TBC1D1: variants seen among roughly 807,000 people sequenced by gnomAD.
TBC1D1 encodes TBC1 (tre-2/USP6, BUB2, cdc16) domain family, member 1.
Under a neutral mutation model 125.6 loss-of-function variants are expected in TBC1D1, and 89 were observed. That is an observed-to-expected ratio of 0.71 (90% CI 0.60 to 0.85). The LOEUF (loss-of-function observed/expected upper bound fraction) is 0.85, where lower values mean the gene tolerates loss of function less well. Among genes scored for constraint, TBC1D1 ranks in the 40% least tolerant of loss-of-function variants. TBC1D1 has a pLI of 0.00. For synonymous variants in TBC1D1, 565 were observed against 564.1 expected (o/e 1.00, Z -0.02); for missense variants, 1,377 against 1,469.2 (o/e 0.94, Z 1.03).
At chr4:37,957,572 T>A (rs1393607302) in intron 2 of TBC1D1, among the ~76,000 whole-genome samples, 2 of 152,130 alleles carry the variant, frequency 1.3e-5, no homozygotes, top group Middle Eastern at 3.4e-3. Flanking sequence ...TGAGCTATGA[T>A]CACAGCCTCA....
rs1187701220 is a variant in TBC1D1 at position 37,977,418 on chromosome 4, G to GC, written c.418-37086dup. 2.2e-6 allele frequency: 2 copies of GC among 912,338 alleles called. No individual in the cohort carries two copies. Among genetic ancestry groups the GC allele is most frequent in the Non-Finnish European group, 2.6e-6 (2 of 765,144 alleles). 56.5% of individuals were successfully genotyped at this position (912,338 alleles called of 1,614,324 possible). A position where few individuals can be genotyped will look rare whatever the true frequency, so the allele number is the denominator to read the frequency against. On this transcript the variant is annotated intron_variant, in intron 2 of 19. Transcript: ENST00000261439. This position sits in a 1 kb window ranked among gnomAD's most constrained non-coding sequence, Gnocchi z 4.3. ...CCCGGCCCCGCCGCTCCCCAAGCCC[G>GC]CCCCCGGCCGCCCGCGGGCCCACGG...
At chr4:37,920,778 G>A (rs1433094291) in intron 2 of TBC1D1, among the ~76,000 whole-genome samples, 1 of 152,162 alleles carries the variant, frequency 6.6e-6, no homozygotes, top group East Asian at 1.9e-4. Context: ...GGAGACCTAT[G>A]GGACCGCATT....
chr4:38,097,002 C>T (rs1278515222), intron 14 of TBC1D1, among the ~76,000 whole-genome samples: 1 of 152,130 alleles, frequency 6.6e-6, no homozygotes, highest in Non-Finnish European at 1.5e-5. Flanking sequence ...ATGTTAATGT[C>T]TTCTGGCAAG....
chr4:37,907,432 G>A (rs1400255759), intron 2 of TBC1D1, among the ~76,000 whole-genome samples: 1 of 152,004 alleles, frequency 6.6e-6, no homozygotes, highest in Non-Finnish European at 1.5e-5. Context: ...CCAGGCTGGT[G>A]TGCAATGGTG....
At chr4:38,035,837 A>G (rs2152457973) in intron 8 of TBC1D1, 139 bp downstream of exon 8, 1 of 690,500 alleles carries the variant, frequency 1.4e-6, no homozygotes, top group African/African-American at 1.8e-5. Context: ...CATAGAGGGG[A>G]AATTTGGGAG....
intron 7 of TBC1D1, 76 bp from the exon 8 acceptor site, chr4:38,035,512 T>C (rs1326464825): frequency 8.6e-7 from 1 of 1,159,612 alleles, no homozygotes; most frequent in African/African-American, 1.5e-5. Flanking sequence ...ATGGAAGCTG[T>C]TAGCATTTAA....
chr4:37,913,783 G>T lies in TBC1D1; in HGVS notation c.417+11271G>T, dbSNP rs140224716. ...AGAGTTATAGTGGCTACCTTCACCT[G>T]CACTCCCTTGCCTTTTCTTTGGTTT... On this transcript the variant is annotated intron_variant, in intron 2 of 19. Coordinates refer to ENST00000261439, the MANE Select transcript of TBC1D1 (RefSeq NM_015173.4). 7.1e-3 allele frequency among the ~76,000 whole-genome samples: 1,007 copies of T among 142,662 alleles called. 13 individuals carry two copies. Among genetic ancestry groups the T allele is most frequent in the African/African-American group, 0.025 (956 of 38,112 alleles). 93.6% of individuals were successfully genotyped at this position (142,662 alleles called of 152,430 possible).
In TBC1D1 at chr4:37,902,132, C is replaced by T; in HGVS notation, c.37C>T (p.Leu13Phe). Residue 13 changes from leucine (L) to phenylalanine (F), a missense_variant, in exon 2 of 20, where the codon CTT (leucine) becomes TTT (phenylalanine). By Grantham distance (22) the Leu-to-Phe change is conservative. Transcript: ENST00000261439. ...AACATTCACAGCAAGGAAACATCTG[C>T]TTTCTAACGAGGTCTCGGTGGATTT... 6.2e-7 allele frequency: 1 copy of T among 1,610,232 alleles called. No homozygotes were observed. Among genetic ancestry groups the T allele is most frequent in the Non-Finnish European group, 8.5e-7 (1 of 1,178,488 alleles).
rs1384430279 is a variant in TBC1D1, at chr4:38,137,372, T to C, written c.*37T>C. The C allele has an allele frequency of 1.3e-6, 2 of 1,555,752 alleles. No homozygotes were observed. Among genetic ancestry groups the C allele is most frequent in the African/African-American group, 2.7e-5 (2 of 73,038 alleles). ...GAGAGATTGCAACACCATCCCACAC[T>C]GTCCAGGCCTTAACTGAGAGGGACA... On this transcript the variant is annotated 3_prime_UTR_variant, in exon 20 of 20. Coordinates refer to ENST00000261439, the MANE Select transcript of TBC1D1 (RefSeq NM_015173.4).
chr4:37,980,543 A>T (rs112256064), intron 2 of TBC1D1, among the ~76,000 whole-genome samples: 1 of 152,330 alleles, frequency 6.6e-6, no homozygotes, highest in Non-Finnish European at 1.5e-5. Context: ...TTGGATTTGC[A>T]CCTGCTTATA....
At chr4:38,080,177 G>C (rs1412688143) in intron 12 of TBC1D1, among the ~76,000 whole-genome samples, 1 of 152,258 alleles carries the variant, frequency 6.6e-6, no homozygotes, top group African/African-American at 2.4e-5. Context: ...CTGCTGGAGG[G>C]AGTGGTCAGA....
At chr4:38,053,555 G>A (rs1751125292) in intron 11 of TBC1D1, among the ~76,000 whole-genome samples, 1 of 152,218 alleles carries the variant, frequency 6.6e-6, no homozygotes, top group Non-Finnish European at 1.5e-5. Flanking sequence ...TCTGTAAGTT[G>A]AGGGGATTGC....
intron 18 of TBC1D1, 115 bp downstream of exon 20, chr4:38,125,246 C>A: frequency 1.0e-6 from 1 of 974,380 alleles, no homozygotes; most frequent in Non-Finnish European, 1.5e-6. Flanking sequence ...CGGCATTCTG[C>A]ATGATGCCTG....
At chr4:38,001,093 A>G (rs1019107142) in intron 2 of TBC1D1, among the ~76,000 whole-genome samples, 3 of 151,884 alleles carry the variant, frequency 2.0e-5, no homozygotes, top group Non-Finnish European at 4.4e-5. Flanking sequence ...GGTGGCGGGC[A>G]CCTGTAGTCC....
At position 38,014,719 on chromosome 4, in the gene TBC1D1, G is replaced by A. The variant is rs752931895; in HGVS notation, c.628G>A (p.Glu210Lys). The A allele has an allele frequency of 6.2e-7, 1 of 1,612,254 alleles. No homozygotes were observed. Among genetic ancestry groups the A allele is most frequent in the Non-Finnish European group, 8.5e-7 (1 of 1,179,706 alleles). The change falls in exon 3 of 20, where the codon GAG becomes AAG. Residue 210 changes from glutamate (E) to lysine (K), a missense_variant. Physicochemically the swap from Glu to Lys is moderately conservative, Grantham distance 56 (BLOSUM62 1). Coordinates refer to ENST00000261439, the MANE Select transcript of TBC1D1 (RefSeq NM_015173.4). The surrounding 1 kb of genome is among the most constrained non-coding windows in gnomAD (Gnocchi z 5.1). ...TCACGTCAGCGGCAGCCGGGGGTCCGAGAGCCCCCGCCCCAACCCGCCCCA... is the reference window on the plus strand; with the variant it reads ...TCACGTCAGCGGCAGCCGGGGGTCCAAGAGCCCCCGCCCCAACCCGCCCCA...
At chr4:37,916,959 C>T (rs771994845) in intron 2 of TBC1D1, among the ~76,000 whole-genome samples, 6 of 151,516 alleles carry the variant, frequency 4.0e-5, no homozygotes, top group Non-Finnish European at 7.4e-5. Flanking sequence ...TTGGTAGACA[C>T]GGGATTTCAC....
intron 1 of TBC1D1, among the ~76,000 whole-genome samples, chr4:37,898,732 A>T (rs1342649632): frequency 6.6e-6 from 1 of 152,146 alleles, no homozygotes; most frequent in Non-Finnish European, 1.5e-5. Context: ...CAGGAGTCTC[A>T]TGTTTTCTAC....
At chr4:38,080,299 TA>T (rs58959609) in intron 12 of TBC1D1, among the ~76,000 whole-genome samples, 66,184 of 151,932 alleles carry the variant, frequency 0.44, 16,297 homozygotes, top group East Asian at 0.66. Context: ...TGACATCTTT[TA>T]AAAAAAATCC....
chr4:38,056,431 G>A (rs989291221), intron 12 of TBC1D1, among the ~76,000 whole-genome samples: 1 of 152,206 alleles, frequency 6.6e-6, no homozygotes, highest in African/African-American at 2.4e-5. Context: ...TTCATAATCT[G>A]TTTCTGCTTT....
Sources: gnomAD v4.1 joint callset for allele counts (sites outside exome capture counted in the v4.1 genomes callset) on GRCh38, gnomAD v4.1.1 for gene constraint, Gnocchi (gnomAD v3.1) non-coding constraint, MANE v1.5 for transcripts, NCBI Gene and HGNC (gene_info 2026-07-23, HGNC 2026-07-21) for gene names.